Variants in NCKAP5 observed in about 807,000 individuals in gnomAD.
NCKAP5 encodes the protein NCK associated protein 5, also known as nck-associated protein 5.
A neutral mutation model predicts 167.0 loss-of-function variants in NCKAP5; 92 were observed. The ratio of observed to expected loss-of-function variants is 0.55; its 90% CI spans 0.47 to 0.66. The LOEUF is 0.66. Among genes scored for constraint, NCKAP5 ranks in the 30% least tolerant of loss-of-function variants. The pLI is 0.00. For synonymous variants in NCKAP5, 891 were observed against 877.4 expected (o/e 1.02, Z -0.27); for missense variants, 2,378 against 2,315.0 (o/e 1.03, Z -0.56).
intron 13 of NCKAP5, among the ~76,000 whole-genome samples, chr2:132,786,424 T>C (rs1391782547): frequency 6.6e-6 from 1 of 152,208 alleles, no homozygotes; most frequent in Non-Finnish European, 1.5e-5. Flanking sequence ...TTTTCTTAAG[T>C]TACTACACTC....
chr2:132,870,823 C>T (rs1690757532), intron 9 of NCKAP5, among the ~76,000 whole-genome samples: 2 of 151,184 alleles, frequency 1.3e-5, no homozygotes, highest in Admixed American at 6.6e-5. Flanking sequence ...CAGCTGGCTA[C>T]CAGTAAGTCT....
chr2:132,895,095 G>C (rs1251495289), intron 8 of NCKAP5, among the ~76,000 whole-genome samples: 1 of 152,060 alleles, frequency 6.6e-6, no homozygotes, highest in African/African-American at 2.4e-5. Context: ...ACTTTGGGAG[G>C]CCAAGGCGGG....
chr2:132,990,669 T>C (rs573966688), intron 7 of NCKAP5, among the ~76,000 whole-genome samples: 5 of 152,164 alleles, frequency 3.3e-5, no homozygotes, highest in Non-Finnish European at 7.4e-5. Flanking sequence ...GATGATGAAA[T>C]AAGAGGTTGG....
At chr2:133,141,573 G>C (rs1227523947) in intron 5 of NCKAP5, among the ~76,000 whole-genome samples, 1 of 152,118 alleles carries the variant, frequency 6.6e-6, no homozygotes, top group Admixed American at 6.6e-5. Flanking sequence ...TAATTATAAT[G>C]TCTACAACCA....
intron 16 of NCKAP5, among the ~76,000 whole-genome samples, chr2:132,773,001 G>C (rs1177944618): frequency 1.3e-5 from 2 of 152,160 alleles, no homozygotes; most frequent in South Asian, 4.1e-4. Context: ...ACTGGAGCAT[G>C]GTATTCAGTA....
chr2:133,121,596 T>C (rs1257366939), intron 6 of NCKAP5, among the ~76,000 whole-genome samples: 1 of 152,186 alleles, frequency 6.6e-6, no homozygotes, highest in Non-Finnish European at 1.5e-5. Flanking sequence ...GAAGCATGTA[T>C]GGATATGAAG....
upstream of NCKAP5, among the ~76,000 whole-genome samples, chr2:133,571,799 G>A (rs1688876445): frequency 6.6e-6 from 1 of 152,076 alleles, no homozygotes; most frequent in Non-Finnish European, 1.5e-5. Context: ...GTCTGAGTCT[G>A]CCACTCCCCC....
chr2:133,579,726 G>A, the NCKAP5 span, among the ~76,000 whole-genome samples: 39 of 152,252 alleles, frequency 2.6e-4, no homozygotes, highest in Non-Finnish European at 5.4e-4. Context: ...AATAAACACT[G>A]CCCTCCATCA....
At chr2:132,678,919 T>G (rs1455964586) in intron 19 of NCKAP5, among the ~76,000 whole-genome samples, 1 of 152,134 alleles carries the variant, frequency 6.6e-6, no homozygotes, top group African/African-American at 2.4e-5. Context: ...AAAGGTTTTT[T>G]TGAATCTTCC....
At chr2:133,201,016 T>C (rs58449092) in intron 5 of NCKAP5, among the ~76,000 whole-genome samples, 18,348 of 152,130 alleles carry the variant, frequency 0.12, 1,416 homozygotes, top group African/African-American at 0.21. Context: ...AGTTTCTAAA[T>C]TGTGCACAGT....
intron 3 of NCKAP5, among the ~76,000 whole-genome samples, chr2:133,349,632 C>T (rs1266244754): frequency 1.3e-5 from 2 of 152,244 alleles, no homozygotes; most frequent in Non-Finnish European, 2.9e-5. Flanking sequence ...ATCATGGAAA[C>T]TCATTTCTTC....
intron 17 of NCKAP5, 22 bp downstream of exon 17, chr2:132,731,715 G>C: frequency 6.4e-7 from 1 of 1,555,806 alleles, no homozygotes; most frequent in African/African-American, 1.4e-5. Flanking sequence ...GTCTTATTAA[G>C]GGTGGGAAAT....
At chr2:133,472,066 C>T (rs1428736371) in intron 3 of NCKAP5, among the ~76,000 whole-genome samples, 1 of 152,130 alleles carries the variant, frequency 6.6e-6, no homozygotes, top group East Asian at 1.9e-4. Context: ...AAATCATCCA[C>T]AATCCCACCA....
intron 11 of NCKAP5, among the ~76,000 whole-genome samples, chr2:132,812,228 T>G (rs1365715614): frequency 6.6e-6 from 1 of 152,218 alleles, no homozygotes; most frequent in Admixed American, 6.5e-5. Context: ...AAATTCATAA[T>G]GCAAGCCTCC....
chr2:132,767,482 G>C (rs1681607809), intron 16 of NCKAP5, among the ~76,000 whole-genome samples: 1 of 152,136 alleles, frequency 6.6e-6, no homozygotes, highest in Non-Finnish European at 1.5e-5. Context: ...CTGACCTTAG[G>C]TTATCCACCC....
chr2:132,793,154 C>T (rs796881693), intron 12 of NCKAP5, among the ~76,000 whole-genome samples: 3 of 152,346 alleles, frequency 2.0e-5, no homozygotes, highest in African/African-American at 7.2e-5. Flanking sequence ...GCATTACAGG[C>T]ATGTGCCACC....
At position 133,357,761 on chromosome 2, in the gene NCKAP5, A is replaced by T. The variant is rs79168861; in HGVS notation, c.70-54651T>A. ...GAGTATCTGTTATTATCTCAAATGT[A>T]GCTTCCTTGCTTAAAACACTTCAGT... On this transcript the variant is annotated intron_variant, in intron 3 of 19. Transcript: ENST00000409261. Among the ~76,000 whole-genome samples the T allele has an allele frequency of 9.4e-3, 1,425 of 152,262 alleles. 25 individuals carry two copies. Among genetic ancestry groups the T allele is most frequent in the African/African-American group, 0.033 (1,350 of 41,526 alleles).
the NCKAP5 span, among the ~76,000 whole-genome samples, chr2:133,656,146 C>T: frequency 6.6e-6 from 1 of 152,120 alleles, no homozygotes; most frequent in African/African-American, 2.4e-5. Flanking sequence ...TGAAATGCTG[C>T]TATAGATTCT....
At chr2:133,043,768 A>T (rs1390440052) in intron 6 of NCKAP5, among the ~76,000 whole-genome samples, 1 of 152,132 alleles carries the variant, frequency 6.6e-6, no homozygotes, top group African/African-American at 2.4e-5. Context: ...CCCATCCGTC[A>T]TGAGGGCAGA....
Sources: allele counts gnomAD v4.1 joint callset (sites outside exome capture counted in the v4.1 genomes callset), GRCh38; gene constraint gnomAD v4.1.1; transcripts MANE v1.5; gene names NCBI Gene and HGNC (gene_info 2026-07-23, HGNC 2026-07-21).